Variants in TAFA1 observed in about 807,000 individuals in gnomAD.
The protein encoded by TAFA1 is TAFA chemokine like family member 1.
TAFA1 carries 4 observed loss-of-function variants against 18.5 expected under a neutral mutation model. The ratio of observed to expected loss-of-function variants is 0.22; its 90% CI spans 0.11 to 0.49. The LOEUF is 0.49. Ranked by LOEUF, TAFA1 falls within the 20% of genes least tolerant of loss-of-function variation. The probability of loss-of-function intolerance (pLI) is 0.98; values close to 1 mark genes in which losing one functional copy is unlikely to be tolerated. For missense variants in TAFA1, 147 were observed against 169.0 expected (o/e 0.87, Z 0.72); for synonymous variants, 56 against 55.2 (o/e 1.01, Z -0.06).
At chr3:68,341,696 G>T (rs1169629529) in intron 2 of TAFA1, among the ~76,000 whole-genome samples, 1 of 152,172 alleles carries the variant, frequency 6.6e-6, no homozygotes, top group Non-Finnish European at 1.5e-5. Flanking sequence ...AATGAACAAA[G>T]ACAGCTCCAA....
chr3:68,408,866 TGAGG>T (rs1349891970), intron 2 of TAFA1, among the ~76,000 whole-genome samples: 2 of 152,182 alleles, frequency 1.3e-5, no homozygotes, highest in Non-Finnish European at 2.9e-5. Context: ...AGTGAGTCTT[TGAGG>T]AAAAGTTTCA....
chr3:68,332,896 A>G (rs1359494562), intron 2 of TAFA1, among the ~76,000 whole-genome samples: 1 of 152,222 alleles, frequency 6.6e-6, no homozygotes, highest in Non-Finnish European at 1.5e-5. Context: ...AACCATATGA[A>G]AATGTGTTCA....
At chr3:68,524,133 T>C (rs183489567) in intron 3 of TAFA1, among the ~76,000 whole-genome samples, 9 of 152,250 alleles carry the variant, frequency 5.9e-5, no homozygotes, top group Non-Finnish European at 8.8e-5. Flanking sequence ...GCTGGCTCCA[T>C]TGGACCTGGA....
At chr3:68,060,356 T>C (rs985873721) in intron 2 of TAFA1, among the ~76,000 whole-genome samples, 1 of 152,186 alleles carries the variant, frequency 6.6e-6, no homozygotes, top group African/African-American at 2.4e-5. Flanking sequence ...TTCAATTACA[T>C]GGTTTCCATG....
chr3:68,389,843 T>C (rs555748308), intron 2 of TAFA1, among the ~76,000 whole-genome samples: 90 of 152,226 alleles, frequency 5.9e-4, no homozygotes, highest in African/African-American at 1.9e-3. Context: ...GATACTACGC[T>C]TTTCCCAAAG....
intron 3 of TAFA1, among the ~76,000 whole-genome samples, chr3:68,530,555 G>A (rs2073174333): frequency 1.3e-5 from 2 of 152,094 alleles, no homozygotes; most frequent in African/African-American, 2.4e-5. Flanking sequence ...GGGTTAAAAG[G>A]GACCTTAAAG....
At chr3:68,193,963 T>G (rs2066379713) in intron 2 of TAFA1, among the ~76,000 whole-genome samples, 1 of 151,776 alleles carries the variant, frequency 6.6e-6, no homozygotes, top group Admixed American at 6.6e-5. Context: ...GCTTTAGGCC[T>G]AGATATATTT....
At chr3:68,125,525 G>GC (rs1465131769) in intron 2 of TAFA1, among the ~76,000 whole-genome samples, 19 of 152,310 alleles carry the variant, frequency 1.2e-4, no homozygotes, top group South Asian at 1.0e-3. Flanking sequence ...GAGAGACACA[G>GC]CCCCTGCCTG....
At chr3:68,069,376 C>T (rs13072773) in intron 2 of TAFA1, among the ~76,000 whole-genome samples, 33 of 152,252 alleles carry the variant, frequency 2.2e-4, no homozygotes, top group Non-Finnish European at 4.1e-4. Flanking sequence ...CATCAGATTT[C>T]GTGAGACTTA....
intron 2 of TAFA1, among the ~76,000 whole-genome samples, chr3:68,221,371 T>A (rs1262160077): frequency 2.0e-5 from 3 of 152,204 alleles, no homozygotes; most frequent in African/African-American, 7.2e-5. Flanking sequence ...TATCTGGATC[T>A]TCCCTACATA....
intron 2 of TAFA1, among the ~76,000 whole-genome samples, chr3:68,412,247 CA>C (rs1265738921): frequency 6.6e-6 from 1 of 151,998 alleles, no homozygotes; most frequent in Admixed American, 6.6e-5. Context: ...CAGGGTGGGA[CA>C]GGGGAAAGAG....
intron 2 of TAFA1, among the ~76,000 whole-genome samples, chr3:68,211,167 C>T (rs1157164896): frequency 6.6e-6 from 1 of 151,950 alleles, no homozygotes; most frequent in Non-Finnish European, 1.5e-5. Flanking sequence ...ATCATTTCTA[C>T]AATATCTTAT....
At chr3:68,085,209 G>A (rs1228891238) in intron 2 of TAFA1, among the ~76,000 whole-genome samples, 1 of 152,110 alleles carries the variant, frequency 6.6e-6, no homozygotes, top group Non-Finnish European at 1.5e-5. Context: ...TGGATAATAA[G>A]TCTAAAGTCA....
intron 2 of TAFA1, among the ~76,000 whole-genome samples, chr3:68,405,366 G>A (rs1307056386): frequency 6.6e-6 from 1 of 151,886 alleles, no homozygotes; most frequent in Non-Finnish European, 1.5e-5. Flanking sequence ...AGACAAGTCA[G>A]GCCAGGCACA....
In TAFA1 at chr3:68,126,969, A is replaced by C. The variant is rs565010047; in HGVS notation, c.118+120225A>C. On this transcript the variant is annotated intron_variant, in intron 2 of 4. Transcript: ENST00000478136. ...TTAAGGTTTAGAGCATTTAATCTGCAGAATCTGATGAACTCAAGGTTTCCA... is the reference window on the plus strand; with the variant it reads ...TTAAGGTTTAGAGCATTTAATCTGCCGAATCTGATGAACTCAAGGTTTCCA... 3.3e-5 allele frequency among the ~76,000 whole-genome samples: 5 copies of C among 152,366 alleles called. No individual in the cohort carries two copies. The South Asian group carries it at 1.0e-3, about 32-fold the overall frequency.
In TAFA1 at chr3:68,154,304, T is replaced by C. The variant is rs146660239; in HGVS notation, c.118+147560T>C. Among the ~76,000 whole-genome samples the C allele has an allele frequency of 6.0e-4, 92 of 152,204 alleles. 1 individual carries two copies. The East Asian group carries it at 0.017, about 28-fold the overall frequency. ...CTACATCACTTTTTCCCATAATCCATTGGCCAGATCTACCTACAAGATCCA... is the reference window on the plus strand; with the variant it reads ...CTACATCACTTTTTCCCATAATCCACTGGCCAGATCTACCTACAAGATCCA... On this transcript the variant is annotated intron_variant, in intron 2 of 4. Transcript: ENST00000478136.
At chr3:68,414,339 C>A (rs1239884233) in intron 2 of TAFA1, among the ~76,000 whole-genome samples, 2 of 152,026 alleles carry the variant, frequency 1.3e-5, no homozygotes, top group African/African-American at 4.8e-5. Context: ...CAAATAAGGT[C>A]AGAGTCACAA....
chr3:68,161,610 G>T (rs7356023), intron 2 of TAFA1, among the ~76,000 whole-genome samples: 1 of 152,108 alleles, frequency 6.6e-6, no homozygotes, highest in Non-Finnish European at 1.5e-5. Flanking sequence ...TAATCTTTAA[G>T]GTAGGCAGGA....
chr3:68,441,212 A>G (rs1248057254), intron 3 of TAFA1, among the ~76,000 whole-genome samples: 1 of 152,068 alleles, frequency 6.6e-6, no homozygotes, highest in Non-Finnish European at 1.5e-5. Flanking sequence ...GCCGGTTTTG[A>G]GTGAGGTCCA....
Sources: gnomAD v4.1 joint callset for allele counts (sites outside exome capture counted in the v4.1 genomes callset) on GRCh38, gnomAD v4.1.1 for gene constraint, MANE v1.5 for transcripts, NCBI Gene and HGNC (gene_info 2026-07-23, HGNC 2026-07-21) for gene names.